EIF4EBP2: variants seen among roughly 807,000 people sequenced by gnomAD.
EIF4EBP2 encodes eukaryotic translation initiation factor 4E-binding protein 2.
A neutral mutation model predicts 10.3 loss-of-function variants in EIF4EBP2; 5 were observed. That is an observed-to-expected ratio of 0.48 (90% CI 0.25 to 1.02). The LOEUF is 1.02. EIF4EBP2 is among the 50% of genes least tolerant of loss of function. The probability of loss-of-function intolerance (pLI) is 0.15; values close to 1 mark genes in which losing one functional copy is unlikely to be tolerated. For missense variants in EIF4EBP2, 188 were observed against 162.2 expected, an observed-to-expected ratio of 1.16 and a Z score of -0.86; for synonymous variants, 67 against 61.1, an observed-to-expected ratio of 1.10 and a Z score of -0.45.
At chr10:70,407,543 T>C (rs1844983421) in intron 1 of EIF4EBP2, among the ~76,000 whole-genome samples, 1 of 152,122 alleles carries the variant, frequency 6.6e-6, no homozygotes, top group Admixed American at 6.5e-5. Flanking sequence ...AACCATCCGA[T>C]TTCTCAATCT....
chr10:70,409,537 C>G (rs918420484), intron 1 of EIF4EBP2, among the ~76,000 whole-genome samples: 11 of 152,168 alleles, frequency 7.2e-5, no homozygotes, highest in African/African-American at 2.4e-4. Flanking sequence ...CCGTGAGTCC[C>G]TCAAATTTAG....
At chr10:70,414,167 T>C (rs1455560530) in intron 1 of EIF4EBP2, among the ~76,000 whole-genome samples, 1 of 151,896 alleles carries the variant, frequency 6.6e-6, no homozygotes, top group East Asian at 1.9e-4. Context: ...AAATAAAGGG[T>C]TTTTTCCTGC....
chr10:70,405,350 G>A (rs1476370359), intron 1 of EIF4EBP2, among the ~76,000 whole-genome samples: 1 of 152,174 alleles, frequency 6.6e-6, no homozygotes, highest in African/African-American at 2.4e-5. Context: ...AGAGAGGGTG[G>A]TTCCCTGGCA....
At chr10:70,411,158 A>G in intron 1 of EIF4EBP2, among the ~76,000 whole-genome samples, 1 of 152,212 alleles carries the variant, frequency 6.6e-6, no homozygotes, top group East Asian at 1.9e-4. Context: ...CATCACCACC[A>G]TCCATCTTCA....
intron 1 of EIF4EBP2, among the ~76,000 whole-genome samples, chr10:70,407,708 T>C (rs1844988792): frequency 7.4e-6 from 1 of 134,920 alleles, no homozygotes; most frequent in African/African-American, 2.9e-5. Flanking sequence ...GAGGCGCCGC[T>C]CACCTCCCGG....
rs552619743 is a variant in EIF4EBP2, at chr10:70,422,102, A to G, written c.*355A>G. On this transcript the variant is annotated 3_prime_UTR_variant, in exon 3 of 3. Transcript: ENST00000373218. Reference sequence around the variant, plus strand: ...CCTGTAATTTTGTCCCAAATCAAATATCAACCTACCAACAACTGCCTGGCT... The same window carrying G: ...CCTGTAATTTTGTCCCAAATCAAATGTCAACCTACCAACAACTGCCTGGCT... 1.7e-5 allele frequency: 4 copies of G among 240,456 alleles called. No homozygotes were observed. The highest frequency in any genetic ancestry group is 1.1e-4 in the South Asian group (1 of 9,000). 14.9% of individuals were successfully genotyped at this position (240,456 alleles called of 1,614,324 possible). A position where few individuals can be genotyped will look rare whatever the true frequency, so the allele number is the denominator to read the frequency against.
intron 1 of EIF4EBP2, among the ~76,000 whole-genome samples, chr10:70,419,463 T>C (rs1310503310): frequency 6.6e-6 from 1 of 152,218 alleles, no homozygotes; most frequent in East Asian, 1.9e-4. Context: ...CATACTTGTT[T>C]ATTCTTTCAT....
chr10:70,415,702 A>T (rs1025840472), intron 1 of EIF4EBP2, among the ~76,000 whole-genome samples: 1 of 152,246 alleles, frequency 6.6e-6, no homozygotes, highest in Non-Finnish European at 1.5e-5. Flanking sequence ...GATAGTGCTG[A>T]TACAACTGGA....
At chr10:70,420,322 C>A (rs1845141085) in intron 2 of EIF4EBP2, among the ~76,000 whole-genome samples, 1 of 152,188 alleles carries the variant, frequency 6.6e-6, no homozygotes, top group African/African-American at 2.4e-5. Flanking sequence ...GCCTCAGCCT[C>A]CCGAGTAGCG....
rs1321619683 is a variant in EIF4EBP2, at chr10:70,426,633, C to T, written c.*4886C>T. On this transcript the variant is annotated 3_prime_UTR_variant, in exon 3 of 3. Transcript: ENST00000373218. ...CTGCCTCTTCCCAGCATTTTCTTAT[C>T]TGTAGCCCTGCTTGCTTGAGAGTAT... 1.3e-5 allele frequency: 2 copies of T among 152,222 alleles called. No individual in the cohort carries two copies. The highest frequency in any genetic ancestry group is 2.9e-5 in the Non-Finnish European group (2 of 68,036). The allele number at this position is 152,222 out of a possible 1,614,324, so 9.4% of individuals were successfully genotyped here.
chr10:70,415,550 A>G (rs1279813627), intron 1 of EIF4EBP2, among the ~76,000 whole-genome samples: 1 of 152,246 alleles, frequency 6.6e-6, no homozygotes, highest in Non-Finnish European at 1.5e-5. Context: ...ACAAGTCAAG[A>G]CAGTGGGGTA....
rs994137218 is a variant in EIF4EBP2, at chr10:70,404,243, G to A, written c.-159G>A. ...GAGCGGCGGCGGCGGCGGCGGCTGAGAGGGCGGCGGCGGGAGCGGAGCGGG... is the reference window on the plus strand; with the variant it reads ...GAGCGGCGGCGGCGGCGGCGGCTGAAAGGGCGGCGGCGGGAGCGGAGCGGG... On this transcript the variant is annotated 5_prime_UTR_variant, in exon 1 of 3. Transcript: ENST00000373218. 6.6e-6 allele frequency: 6 copies of A among 911,968 alleles called. No homozygotes were observed. The African/African-American group carries it at 1.1e-4, about 16-fold the overall frequency. 56.5% of individuals were successfully genotyped at this position (911,968 alleles called of 1,614,324 possible).
At chr10:70,404,617 GC>G in intron 1 of EIF4EBP2, 71 bp downstream of exon 1, 1 of 1,421,592 alleles carries the variant, frequency 7.0e-7, no homozygotes, top group South Asian at 1.5e-5. Context: ...GCGCCTCGGT[GC>G]CCGGCCGCTT....
chr10:70,418,761 G>A (rs2137231001), intron 1 of EIF4EBP2, among the ~76,000 whole-genome samples: 1 of 152,208 alleles, frequency 6.6e-6, no homozygotes, highest in East Asian at 1.9e-4. Flanking sequence ...TCTAGTTTTT[G>A]TTTTTCAAAG....
At chr10:70,415,974 A>G (rs1373689920) in intron 1 of EIF4EBP2, among the ~76,000 whole-genome samples, 1 of 152,214 alleles carries the variant, frequency 6.6e-6, no homozygotes, top group African/African-American at 2.4e-5. Flanking sequence ...ATAGGAGACT[A>G]TATTTGCAGT....
chr10:70,418,333 T>G (rs1229998708), intron 1 of EIF4EBP2, among the ~76,000 whole-genome samples: 1 of 152,228 alleles, frequency 6.6e-6, no homozygotes, highest in Admixed American at 6.5e-5. Context: ...GTTTAAGTTG[T>G]GCAGTCTGTG....
In EIF4EBP2 at chr10:70,428,307, C is replaced by G. The variant is rs574961024; in HGVS notation, c.*6560C>G. 2 of 152,208 alleles carry G rather than the reference C, an allele frequency of 1.3e-5. No homozygotes were observed. The highest frequency in any genetic ancestry group is 4.2e-4 in the South Asian group (2 of 4,818). The allele number at this position is 152,208 out of a possible 1,614,324, so 9.4% of individuals were successfully genotyped here. ...AAAAAAAAAAATAGCCCTGCCCTGT[C>G]TTAGTGCCACTAACGGCCCAGTTCC... On this transcript the variant is annotated 3_prime_UTR_variant, in exon 3 of 3. Transcript: ENST00000373218.
intron 1 of EIF4EBP2, among the ~76,000 whole-genome samples, chr10:70,407,747 C>G (rs1173312652): frequency 6.9e-6 from 1 of 145,408 alleles, no homozygotes; most frequent in Admixed American, 6.8e-5. Context: ...CCCCACCTCC[C>G]TCCCAGACGG....
rs781137126 is a variant in EIF4EBP2, at chr10:70,426,323, T to G, written c.*4576T>G. 6.6e-6 allele frequency: 1 copy of G among 152,226 alleles called. No homozygotes were observed. Among genetic ancestry groups the G allele is most frequent in the South Asian group, 2.1e-4 (1 of 4,826 alleles). The allele number at this position is 152,226 out of a possible 1,614,324, so 9.4% of individuals were successfully genotyped here. A position where few individuals can be genotyped will look rare whatever the true frequency, so the allele number is the denominator to read the frequency against. The stretch of plus-strand genomic sequence containing the variant: ...TGTCGCCCAGGCTGGGGTGCTGGAG[T>G]GCAGTGGTGCGATCTCAGCTCACTG... On this transcript the variant is annotated 3_prime_UTR_variant, in exon 3 of 3. Coordinates refer to ENST00000373218, the MANE Select transcript of EIF4EBP2 (RefSeq NM_004096.5).
Sources: gnomAD v4.1 joint callset for allele counts (sites outside exome capture counted in the v4.1 genomes callset) on GRCh38, gnomAD v4.1.1 for gene constraint, MANE v1.5 for transcripts, NCBI Gene and HGNC (gene_info 2026-07-23, HGNC 2026-07-21) for gene names.